Variants in MKLN1 observed in about 807,000 individuals in gnomAD.
The protein encoded by MKLN1 is muskelin 1.
MKLN1 carries 18 observed loss-of-function variants against 99.0 expected under a neutral mutation model. That is an observed-to-expected ratio of 0.18 (90% confidence interval 0.13 to 0.27). The LOEUF (loss-of-function observed/expected upper bound fraction) is 0.27, where lower values mean the gene tolerates loss of function less well. Among genes scored for constraint, MKLN1 ranks in the 10% least tolerant of loss-of-function variants. The pLI, the probability that MKLN1 is intolerant of heterozygous loss-of-function variation, is 1.00. For synonymous variants in MKLN1, 288 were observed against 293.2 expected (o/e 0.98, Z 0.18); for missense variants, 621 against 875.9 (o/e 0.71, Z 3.67).
intron 16 of MKLN1, among the ~76,000 whole-genome samples, chr7:131,473,694 C>T (rs2116654777): frequency 6.6e-6 from 1 of 152,248 alleles, no homozygotes; most frequent in African/African-American, 2.4e-5. Flanking sequence ...TGGTGTCATT[C>T]ATTTAACAGT....
intron 2 of MKLN1, among the ~76,000 whole-genome samples, chr7:131,188,368 G>A (rs1796483661): frequency 6.6e-6 from 1 of 152,230 alleles, no homozygotes; most frequent in Non-Finnish European, 1.5e-5. Context: ...TTGGCTGAGA[G>A]GTTCTGCTGA....
Position 131,413,417 on chromosome 7 carries a change from A to T in MKLN1, c.782-1228A>T, listed in dbSNP as rs191810777. ...ATTAGGAGAAAGCCAATACAGGGAAACTTATTAGCCAAAGTAATATATTTC... is the reference window on the plus strand; with the variant it reads ...ATTAGGAGAAAGCCAATACAGGGAATCTTATTAGCCAAAGTAATATATTTC... On this transcript the variant is annotated intron_variant, in intron 7 of 17. Transcript: ENST00000352689. Among the ~76,000 whole-genome samples, 590 of 152,344 alleles carry T rather than the reference A, an allele frequency of 3.9e-3. 8 individuals are homozygous for T. The highest frequency in any genetic ancestry group is 0.014 in the African/African-American group (567 of 41,580).
At chr7:131,355,391 CT>C (rs781329320) in intron 1 of MKLN1, among the ~76,000 whole-genome samples, 1 of 151,660 alleles carries the variant, frequency 6.6e-6, no homozygotes, top group South Asian at 2.1e-4. Context: ...TATGATGAGT[CT>C]TTTTATGCAG....
intron 16 of MKLN1, 53 bp downstream of exon 16, chr7:131,470,997 C>A: frequency 7.9e-7 from 1 of 1,268,692 alleles, no homozygotes; most frequent in Admixed American, 2.0e-5. Flanking sequence ...AAATGTCTTC[C>A]TAACTTATAT....
intron 3 of MKLN1, among the ~76,000 whole-genome samples, chr7:131,283,736 G>A (rs1038199611): frequency 7.9e-5 from 12 of 152,118 alleles, no homozygotes; most frequent in East Asian, 5.8e-4. Context: ...GTGCCCGGCC[G>A]AGAAGGCCCT....
At chr7:131,118,674 T>A (rs1292162084) in intron 1 of MKLN1, among the ~76,000 whole-genome samples, 2 of 152,114 alleles carry the variant, frequency 1.3e-5, no homozygotes, top group Non-Finnish European at 2.9e-5. Flanking sequence ...TGGGGAGGTC[T>A]CCGGAAACTT....
intron 1 of MKLN1, among the ~76,000 whole-genome samples, chr7:131,340,338 T>G (rs1799371644): frequency 7.5e-6 from 1 of 132,454 alleles, no homozygotes; most frequent in African/African-American, 2.9e-5. Flanking sequence ...GAGTGCGTGG[T>G]GCGATCTTGG....
intron 1 of MKLN1, among the ~76,000 whole-genome samples, chr7:131,331,599 A>G (rs1415401199): frequency 5.3e-5 from 8 of 152,164 alleles, no homozygotes; most frequent in Non-Finnish European, 1.0e-4. Flanking sequence ...AGCATGGGCA[A>G]CACAATGAGA....
intron 3 of MKLN1, among the ~76,000 whole-genome samples, chr7:131,228,960 C>G (rs1022395846): frequency 6.6e-6 from 1 of 152,048 alleles, no homozygotes; most frequent in East Asian, 1.9e-4. Flanking sequence ...AACAAAAACC[C>G]AAGAATTATT....
intron 1 of MKLN1, among the ~76,000 whole-genome samples, chr7:131,115,900 T>A (rs191518689): frequency 6.6e-6 from 1 of 152,314 alleles, no homozygotes; most frequent in East Asian, 1.9e-4. Context: ...CTAGATATAT[T>A]TTTTTCATAG....
In MKLN1 at chr7:131,292,653, G is replaced by A. The variant is rs1055187636; in HGVS notation, c.-178-82771G>A. ...CTAGGGCTACCAGAGGCTGGAATAG[G>A]CAAGGATTTTCCCCTGCAGGTTTCA... On this transcript the variant is annotated intron_variant, in intron 3 of 7. Coordinates refer to the MKLN1 transcript ENST00000416992. 2.6e-5 allele frequency among the ~76,000 whole-genome samples: 4 copies of A among 152,318 alleles called. No homozygotes were observed. In the South Asian group the frequency reaches 8.3e-4, roughly 32 times the overall value.
intron 3 of MKLN1, among the ~76,000 whole-genome samples, chr7:131,253,578 A>C (rs1797613643): frequency 6.6e-6 from 1 of 152,200 alleles, no homozygotes; most frequent in Non-Finnish European, 1.5e-5. Flanking sequence ...AGAAGACCAG[A>C]GACCACTGCC....
intron 2 of MKLN1, among the ~76,000 whole-genome samples, chr7:131,173,447 G>A (rs1457742197): frequency 2.6e-5 from 4 of 152,218 alleles, no homozygotes; most frequent in East Asian, 3.9e-4. Context: ...GGCCGGGCGT[G>A]GTGGCTCACG....
At chr7:131,432,953 C>T (rs1795567351) in intron 9 of MKLN1, among the ~76,000 whole-genome samples, 1 of 152,140 alleles carries the variant, frequency 6.6e-6, no homozygotes, top group Middle Eastern at 3.2e-3. Context: ...CTTATAGACT[C>T]CCTTGAAGTA....
At chr7:131,481,982 A>C (rs145647569) in intron 17 of MKLN1, among the ~76,000 whole-genome samples, 2,449 of 152,320 alleles carry the variant, frequency 0.016, 203 homozygotes, top group Admixed American at 0.14. Context: ...TTTTGGAAAA[A>C]TGAGTGATCT....
intron 1 of MKLN1, among the ~76,000 whole-genome samples, chr7:131,127,640 G>A (rs531126636): frequency 6.6e-5 from 10 of 152,332 alleles, no homozygotes; most frequent in African/African-American, 2.4e-4. Flanking sequence ...CTAACATGCA[G>A]TCAGATGGGA....
chr7:131,382,011 C>T (rs185524250), intron 2 of MKLN1, among the ~76,000 whole-genome samples: 402 of 152,238 alleles, frequency 2.6e-3, no homozygotes, highest in African/African-American at 9.3e-3. Context: ...ATCCATATAC[C>T]TGTTAATGAA....
intron 2 of MKLN1, among the ~76,000 whole-genome samples, chr7:131,169,608 A>G (rs573713022): frequency 2.6e-5 from 4 of 152,324 alleles, no homozygotes; most frequent in African/African-American, 9.6e-5. Context: ...AAAATTCTTA[A>G]TTAAGTTAGA....
At chr7:131,421,734 G>A (rs1395458673) in intron 8 of MKLN1, among the ~76,000 whole-genome samples, 2 of 151,926 alleles carry the variant, frequency 1.3e-5, no homozygotes, top group Non-Finnish European at 1.5e-5. Context: ...TGCATAATTT[G>A]ACAAAATTTC....
Sources: allele counts gnomAD v4.1 joint callset (sites outside exome capture counted in the v4.1 genomes callset), GRCh38; gene constraint gnomAD v4.1.1; transcripts MANE v1.5; gene names NCBI Gene and HGNC (gene_info 2026-07-23, HGNC 2026-07-21).